Variants in ANXA8 observed in about 807,000 individuals in gnomAD.
The protein encoded by ANXA8 is VAC-beta.
ANXA8 carries 9 observed loss-of-function variants against 26.8 expected under a neutral mutation model. The ratio of observed to expected loss-of-function variants is 0.34; its 90% CI spans 0.20 to 0.59. ANXA8 has a LOEUF of 0.59. Among genes scored for constraint, ANXA8 ranks in the 20% least tolerant of loss-of-function variants. The pLI, the probability that ANXA8 is intolerant of heterozygous loss-of-function variation, is 0.84. For missense variants in ANXA8, 83 were observed against 238.5 expected (o/e 0.35, Z 4.29); for synonymous variants, 39 against 94.8 (o/e 0.41, Z 3.42).
chr10:47,675,913 T>C, the ANXA8 span, among the ~76,000 whole-genome samples: 7 of 151,136 alleles, frequency 4.6e-5, no homozygotes, highest in East Asian at 1.2e-3. Flanking sequence ...ATGGAAATTA[T>C]GCCAAAGAAC....
At chr10:47,485,615 G>A (rs1426222100), upstream of ANXA8, among the ~76,000 whole-genome samples, 4 of 151,914 alleles carry the variant, frequency 2.6e-5, no homozygotes, top group African/African-American at 4.8e-5. Context: ...AGAACAAATA[G>A]CTTCCAGCAA....
chr10:47,776,629 G>T, the ANXA8 span, among the ~76,000 whole-genome samples: 2 of 151,966 alleles, frequency 1.3e-5, no homozygotes, highest in African/African-American at 4.8e-5. Flanking sequence ...GATCTAAGTG[G>T]GGTACACACT....
chr10:47,483,835 T>G (rs1839947630), intron 1 of ANXA8, 78 bp downstream of exon 1: 5 of 1,610,930 alleles, frequency 3.1e-6, no homozygotes, highest in Non-Finnish European at 4.2e-6. Context: ...AAGGGCGACT[T>G]TACATTTCTC....
At chr10:47,713,061 T>G in the ANXA8 span, among the ~76,000 whole-genome samples, 2 of 152,196 alleles carry the variant, frequency 1.3e-5, no homozygotes, top group Non-Finnish European at 2.9e-5. Context: ...CCCAAAGTGC[T>G]GGGATTATAG....
At chr10:47,554,037 C>G in the ANXA8 span, among the ~76,000 whole-genome samples, 33 of 148,054 alleles carry the variant, frequency 2.2e-4, no homozygotes, top group Middle Eastern at 0.01. Context: ...TTTGGGAGGC[C>G]GAGGCAGGAG....
chr10:47,581,223 C>A, the ANXA8 span: 31 of 408,792 alleles, frequency 7.6e-5, no homozygotes, highest in South Asian at 3.9e-4. Context: ...TGATCCTTCA[C>A]AGGAGTCACG....
At chr10:47,772,266 G>A in the ANXA8 span, among the ~76,000 whole-genome samples, 4 of 151,986 alleles carry the variant, frequency 2.6e-5, no homozygotes, top group South Asian at 8.3e-4. Context: ...TTCCTTGGAT[G>A]TGTCACCTGC....
chr10:47,490,631 CT>C, the ANXA8 span, among the ~76,000 whole-genome samples: 1 of 143,440 alleles, frequency 7.0e-6, no homozygotes, highest in African/African-American at 2.5e-5. Context: ...CCTGCCTCAG[CT>C]TTTCTCCCAA....
the ANXA8 span, among the ~76,000 whole-genome samples, chr10:47,558,529 A>ATGTGTGTGTGTGTG: frequency 5.7e-5 from 8 of 141,490 alleles, no homozygotes; most frequent in African/African-American, 1.1e-4. Context: ...GGGTTTTAAG[A>ATGTGTGTGTGTGTG]TGTGTGTGTG....
the ANXA8 span, among the ~76,000 whole-genome samples, chr10:47,660,282 C>T: frequency 6.1e-5 from 9 of 148,536 alleles, no homozygotes; most frequent in Non-Finnish European, 8.9e-5. Flanking sequence ...ACTCAAAGCC[C>T]GTTAAGAGCA....
chr10:47,487,108 A>G (rs2132448514), upstream of ANXA8: 6 of 1,174,464 alleles, frequency 5.1e-6, no homozygotes, highest in East Asian at 1.3e-4. Context: ...TATTCTGTGC[A>G]TGTAATAAAT....
the ANXA8 span, chr10:47,565,651 G>A: frequency 8.2e-6 from 3 of 364,758 alleles, no homozygotes; most frequent in East Asian, 8.3e-5. Flanking sequence ...CGGCTGCCGG[G>A]CCCTGGCCAG....
At chr10:47,646,780 C>G in the ANXA8 span, among the ~76,000 whole-genome samples, 1 of 151,974 alleles carries the variant, frequency 6.6e-6, no homozygotes, top group Admixed American at 6.6e-5. Context: ...GTCTGATTCT[C>G]TCATAACTAT....
At chr10:47,674,743 A>G in the ANXA8 span, among the ~76,000 whole-genome samples, 15 of 151,804 alleles carry the variant, frequency 9.9e-5, no homozygotes, top group Non-Finnish European at 1.6e-4. Context: ...TTTTTAAAAT[A>G]TTAGTATGGA....
At chr10:47,755,384 T>C in the ANXA8 span, among the ~76,000 whole-genome samples, 2 of 152,212 alleles carry the variant, frequency 1.3e-5, no homozygotes, top group African/African-American at 4.8e-5. Flanking sequence ...GCCTCCCAAG[T>C]AGCTGGGACT....
the ANXA8 span, among the ~76,000 whole-genome samples, chr10:47,643,528 AAATCAATC>A: frequency 0.08 from 11,017 of 137,126 alleles, 410 homozygotes; most frequent in South Asian, 0.14. Flanking sequence ...GACTCCATAA[AAATCAATC>A]AATCAATCAA....
chr10:47,693,533 G>T, the ANXA8 span, among the ~76,000 whole-genome samples: 36 of 151,508 alleles, frequency 2.4e-4, no homozygotes, highest in African/African-American at 8.0e-4. Context: ...CTCGTGATCC[G>T]CCCGCCTCGG....
At chr10:47,502,598 T>C in the ANXA8 span, 155 of 1,571,266 alleles carry the variant, frequency 9.9e-5, 10 homozygotes, top group Non-Finnish European at 6.8e-5. Context: ...GAAAGGCGGG[T>C]GCCAAAACTG....
chr10:47,744,366 C>G, the ANXA8 span, among the ~76,000 whole-genome samples: 1 of 138,220 alleles, frequency 7.2e-6, no homozygotes, highest in South Asian at 2.5e-4. Flanking sequence ...CACATCCTCC[C>G]GGATCCTCCC....
Sources: allele counts gnomAD v4.1 joint callset (sites outside exome capture counted in the v4.1 genomes callset), GRCh38; gene constraint gnomAD v4.1.1; transcripts MANE v1.5; gene names NCBI Gene and HGNC (gene_info 2026-07-23, HGNC 2026-07-21).